Variants in ABCG2 observed in about 807,000 individuals in gnomAD.
ABCG2 encodes broad substrate specificity ATP-binding cassette transporter ABCG2.
A neutral mutation model predicts 73.5 loss-of-function variants in ABCG2; 80 were observed. The ratio of observed to expected loss-of-function variants is 1.09; its 90% CI spans 0.91 to 1.31. ABCG2 has a LOEUF of 1.31. Ranked by LOEUF, ABCG2 falls within the 50% of genes most tolerant of loss-of-function variation. The pLI, the probability that ABCG2 is intolerant of heterozygous loss-of-function variation, is 0.00. For synonymous variants in ABCG2, 269 were observed against 282.4 expected (o/e 0.95, Z 0.48); for missense variants, 796 against 786.2 (o/e 1.01, Z -0.15).
intron 1 of ABCG2, among the ~76,000 whole-genome samples, chr4:88,198,570 C>CT (rs1298764571): frequency 4.6e-5 from 7 of 151,616 alleles, no homozygotes; most frequent in Non-Finnish European, 1.0e-4. Flanking sequence ...GAGTTTGAGG[C>CT]TGCAGTGAGC....
chr4:88,207,993 G>A (rs1011532312), intron 1 of ABCG2, among the ~76,000 whole-genome samples: 1 of 152,156 alleles, frequency 6.6e-6, no homozygotes, highest in African/African-American at 2.4e-5. Flanking sequence ...TCTTAGGGCT[G>A]TAAATTCAGT....
intron 1 of ABCG2, among the ~76,000 whole-genome samples, chr4:88,217,876 G>C (rs1729871686): frequency 6.6e-6 from 1 of 151,406 alleles, no homozygotes; most frequent in African/African-American, 2.4e-5. Context: ...TGAAGTGGAA[G>C]GACTGCTTGA....
intron 13 of ABCG2, 40 bp downstream of exon 13, chr4:88,097,413 A>C (rs2231157): frequency 6.3e-7 from 1 of 1,595,446 alleles, no homozygotes; most frequent in Non-Finnish European, 8.5e-7. Context: ...ATGAAGGAAA[A>C]AAACAATTCC....
At chr4:88,194,549 C>CAAAAAAAA (rs58945293) in intron 1 of ABCG2, among the ~76,000 whole-genome samples, 21 of 52,592 alleles carry the variant, frequency 4.0e-4, no homozygotes, top group Non-Finnish European at 5.0e-4. Context: ...GACTCCGTCT[C>CAAAAAAAA]AAAAAAAAAA....
chr4:88,125,228 C>T (rs1206593551), intron 5 of ABCG2, among the ~76,000 whole-genome samples: 1 of 151,614 alleles, frequency 6.6e-6, no homozygotes, highest in Non-Finnish European at 1.5e-5. Flanking sequence ...GGAGGCTGAA[C>T]TTGCAGTGAG....
At chr4:88,109,099 AGCAACTCTCCT>A (rs1722954304) in intron 9 of ABCG2, among the ~76,000 whole-genome samples, 1 of 151,642 alleles carries the variant, frequency 6.6e-6, no homozygotes, top group Admixed American at 6.6e-5. Context: ...CCCAGGTTCA[AGCAACTCTCCT>A]GCCTCAGCCT....
At chr4:88,230,941 C>T (rs765024936) in intron 1 of ABCG2, 7 of 152,144 alleles carry the variant, frequency 4.6e-5, no homozygotes, top group Non-Finnish European at 7.4e-5. Flanking sequence ...AAAAAAGAAT[C>T]AAGATTTTCT....
chr4:88,186,602 C>T (rs548206279), intron 1 of ABCG2, among the ~76,000 whole-genome samples: 55 of 152,222 alleles, frequency 3.6e-4, no homozygotes, highest in African/African-American at 1.3e-3. Flanking sequence ...ATGGTGAAAT[C>T]CTGTCTCTAC....
intron 1 of ABCG2, among the ~76,000 whole-genome samples, chr4:88,191,217 C>T (rs1294634699): frequency 7.2e-6 from 1 of 138,678 alleles, no homozygotes; most frequent in African/African-American, 2.6e-5. Context: ...GCGTGCAGTG[C>T]TCCAAGATCG....
intron 2 of ABCG2, among the ~76,000 whole-genome samples, chr4:88,138,964 A>C (rs1469285706): frequency 6.6e-6 from 1 of 152,060 alleles, no homozygotes; most frequent in Non-Finnish European, 1.5e-5. Flanking sequence ...AACATGGTGA[A>C]ACCCCATCTT....
chr4:88,101,156 C>T, intron 11 of ABCG2, 74 bp downstream of exon 11: 1 of 1,321,770 alleles, frequency 7.6e-7, no homozygotes. Flanking sequence ...TTGGCCCCAA[C>T]CCCAGATGTA....
intron 9 of ABCG2, among the ~76,000 whole-genome samples, chr4:88,109,671 A>G (rs1351967231): frequency 1.3e-5 from 2 of 152,236 alleles, no homozygotes; most frequent in South Asian, 2.1e-4. Flanking sequence ...AGATTTTCCA[A>G]ATACAACCTT....
At chr4:88,153,255 G>T (rs548490368) in intron 1 of ABCG2, among the ~76,000 whole-genome samples, 1 of 151,988 alleles carries the variant, frequency 6.6e-6, no homozygotes, top group East Asian at 1.9e-4. Context: ...GTTGAGAATG[G>T]TGAATAGGAG....
At chr4:88,221,041 G>A (rs377080985) in intron 1 of ABCG2, among the ~76,000 whole-genome samples, 20 of 152,264 alleles carry the variant, frequency 1.3e-4, no homozygotes, top group African/African-American at 4.8e-4. Context: ...GGCCAAGGTG[G>A]GCGGATCACT....
intron 10 of ABCG2, among the ~76,000 whole-genome samples, chr4:88,105,217 G>A (rs1040647880): frequency 3.3e-5 from 5 of 152,218 alleles, no homozygotes; most frequent in South Asian, 2.1e-4. Flanking sequence ...TTTTACTTGA[G>A]TGAGGAACCA....
chr4:88,214,179 G>A lies in ABCG2; in HGVS notation c.-20+16815C>T, dbSNP rs1484574869. Among the ~76,000 whole-genome samples, 4 of 151,322 alleles carry A rather than the reference G, an allele frequency of 2.6e-5. No individual in the cohort carries two copies. In the East Asian group the frequency reaches 7.8e-4, roughly 29 times the overall value. On this transcript the variant is annotated intron_variant, in intron 1 of 15. Transcript: ENST00000515655. ...ATTTCTGTATTTTTTGTAGAGACAA[G>A]GTCTTGCTATGTTGCCCAGGCTGGT...
intron 11 of ABCG2, 36 bp downstream of exon 11, chr4:88,101,194 T>C: frequency 6.3e-7 from 1 of 1,593,144 alleles, no homozygotes; most frequent in Non-Finnish European, 8.6e-7. Context: ...CCCCTGCTGC[T>C]GGACAGCCCC....
At chr4:88,226,694 T>C (rs1156791173) in intron 1 of ABCG2, 1 of 152,446 alleles carries the variant, frequency 6.6e-6, no homozygotes, top group East Asian at 1.9e-4. Context: ...CAAGGAATTC[T>C]GGCATGATAA....
In ABCG2 at chr4:88,139,868, C is replaced by G; in HGVS notation, c.128G>C (p.Cys43Ser). The change falls in exon 2 of 16, where the codon TGC becomes TCC. Residue 43 changes from cysteine to serine, a missense_variant. Coordinates refer to ENST00000237612, the MANE Select transcript of ABCG2 (RefSeq NM_004827.3). ...GCCACTCTTCAGTTTTACTCGATAG[C>G]AGATGTTATGAAAACTTAACACAGC... ...EGAVLSFHNI[C>S]YRVKLKSGFL... is the part of the protein sequence containing the mutation. The G allele has an allele frequency of 6.2e-7, 1 of 1,614,164 alleles. No individual in the cohort carries two copies. The highest frequency in any genetic ancestry group is 8.5e-7 in the Non-Finnish European group (1 of 1,180,032).
Sources: allele counts gnomAD v4.1 joint callset (sites outside exome capture counted in the v4.1 genomes callset), GRCh38; gene constraint gnomAD v4.1.1; transcripts MANE v1.5; gene names NCBI Gene and HGNC (gene_info 2026-07-23, HGNC 2026-07-21).